The following LILRA4 variants were observed in gnomAD, a reference collection of about 807,000 sequenced individuals.
LILRA4 encodes the protein leukocyte immunoglobulin like receptor A4.
A neutral mutation model predicts 49.5 loss-of-function variants in LILRA4; 51 were observed. That is an observed-to-expected ratio of 1.03 (90% CI 0.82 to 1.30). The LOEUF (loss-of-function observed/expected upper bound fraction) is 1.30, where lower values mean the gene tolerates loss of function less well. Among genes scored for constraint, LILRA4 ranks in the 50% most tolerant of loss-of-function variants. The pLI is 0.00. For missense variants in LILRA4, 624 were observed against 625.6 expected (o/e 1.00, Z 0.03); for synonymous variants, 272 against 265.6 (o/e 1.02, Z -0.23).
At chr19:54,334,172 A>G (rs2122175484) in intron 6 of LILRA4, 1 of 555,212 alleles carries the variant, frequency 1.8e-6, no homozygotes, top group East Asian at 2.9e-5. Flanking sequence ...TGCCTGAGTC[A>G]CTTTGAAACA....
Position 54,337,577 on chromosome 19 carries a change from C to T in LILRA4, c.775G>A (p.Gly259Arg). 1 of 1,608,752 alleles carries T rather than the reference C, an allele frequency of 6.2e-7. No homozygotes were observed. The highest frequency in any genetic ancestry group is 8.5e-7 in the Non-Finnish European group (1 of 1,176,536). Residue 259 changes from glycine to arginine, a missense_variant, in exon 5 of 8, where the codon GGG becomes AGG. Gly to Arg is a moderately radical substitution (Grantham distance 125). Coordinates refer to ENST00000291759, the MANE Select transcript of LILRA4 (RefSeq NM_012276.5). Reference sequence around the variant, plus strand: ...GGGCGCTGGGGGAGGCCATCGGCCCCCTCCTTGTACAGAGTGTATCTGATG... The same window carrying T: ...GGGCGCTGGGGGAGGCCATCGGCCCTCTCCTTGTACAGAGTGTATCTGATG... ...GYIRYTLYKE[G>R]ADGLPQRPGR...
At position 54,336,965 on chromosome 19, in the gene LILRA4, C is replaced by G; in HGVS notation, c.1131G>C (p.Gln377His). ...TCACAGGACTCATGGGGAATTCAGC[C>G]TGGTACTTATGAGCTCCGTACATTG... ...LRSMYGAHKY[Q>H]AEFPMSPVTS... is the part of the protein sequence containing the mutation. Residue 377 changes from glutamine (Q) to histidine (H), a missense_variant, in exon 6 of 8, where the codon CAG (glutamine) becomes CAC (histidine). Physicochemically the swap from Gln to His is conservative, Grantham distance 24. Coordinates refer to ENST00000291759, the MANE Select transcript of LILRA4 (RefSeq NM_012276.5). The G allele has an allele frequency of 1.2e-6, 2 of 1,614,208 alleles. No individual in the cohort carries two copies. Among genetic ancestry groups the G allele is most frequent in the South Asian group, 2.2e-5 (2 of 91,090 alleles).
At position 54,337,958 on chromosome 19, in the gene LILRA4, G is replaced by T. The variant is rs1026797731; in HGVS notation, c.633C>A (p.Asp211Glu). 1 of 1,611,990 alleles carries T rather than the reference G, an allele frequency of 6.2e-7. No homozygotes were observed. Among genetic ancestry groups the T allele is most frequent in the African/African-American group, 1.3e-5 (1 of 74,864 alleles). Residue 211 changes from aspartate to glutamate, a missense_variant, in exon 4 of 8, where the codon GAC (aspartate) becomes GAA (glutamate). Physicochemically the swap from Asp to Glu is conservative, Grantham distance 45 (BLOSUM62 2). Coordinates refer to ENST00000291759, the MANE Select transcript of LILRA4 (RefSeq NM_012276.5). ...CACCTGACACCAGTAGCTGCAGGGG[G>T]TCACTGGGTTCCGACCACACGTATG... The part of the protein sequence containing the change: ...NTPYVWSEPS[D>E]PLQLLVSGVS...
chr19:54,336,348 G>A, intron 6 of LILRA4: 2 of 185,038 alleles, frequency 1.1e-5, no homozygotes, highest in Admixed American at 1.1e-4. Flanking sequence ...GGACTTAGAG[G>A]CTGGGGACAC....
chr19:54,336,545 TC>T, intron 6 of LILRA4: 1 of 536,428 alleles, frequency 1.9e-6, no homozygotes. Flanking sequence ...ATTTCCACAC[TC>T]CCATAGGCTG....
chr19:54,337,411 A>G lies in LILRA4; in HGVS notation c.941T>C (p.Ile314Thr), dbSNP rs1169366496. The change falls in exon 5 of 8, where the codon ATC becomes ACC. Residue 314 changes from isoleucine to threonine, a missense_variant. Physicochemically the swap from Ile to Thr is moderately conservative, Grantham distance 89 (BLOSUM62 -1). Coordinates refer to ENST00000291759, the MANE Select transcript of LILRA4 (RefSeq NM_012276.5). ...GCTGGGCTCCTCACCTGCGATCAGG[A>G]TATCCAGGGGGTCACTGGGGGCCGA... The part of the protein sequence containing the change: ...EWSAPSDPLD[I>T]LIAGQISDRP... The G allele has an allele frequency of 1.2e-6, 2 of 1,611,264 alleles. No individual in the cohort carries two copies. The highest frequency in any genetic ancestry group is 1.7e-6 in the Non-Finnish European group (2 of 1,179,780).
In LILRA4 at chr19:54,333,680, T is replaced by C. The variant is rs770028972; in HGVS notation, c.1392A>G (p.Leu464=). 6.2e-7 allele frequency: 1 copy of C among 1,614,042 alleles called. No homozygotes were observed. Among genetic ancestry groups the C allele is most frequent in the South Asian group, 1.1e-5 (1 of 91,080 alleles). The change falls in exon 8 of 8, where the codon TTA becomes TTG. Residue 464 remains leucine, a synonymous_variant. Transcript: ENST00000291759. ...TTCTCTGGCTGTGCTGAGCCTCAAA[T>C]AACAGAATCCCGAGGAACAGCAGGA... ...GLVLLFLGIL[L]FEAQHSQRSP...
intron 4 of LILRA4, 97 bp downstream of exon 4, chr19:54,337,839 C>T: frequency 6.8e-7 from 1 of 1,460,972 alleles, no homozygotes; most frequent in South Asian, 1.4e-5. Context: ...ATCTTCCCCT[C>T]ATCTTTTCTT....
At position 54,334,014 on chromosome 19, in the gene LILRA4, C is replaced by T. The variant is rs112205966; in HGVS notation, c.1256-49G>A. ...TTGGTGAGAAGCTGAAGAGCCTCTC[C>T]CCTGGGCAATGCATTCTTATATTCC... On this transcript the variant is annotated intron_variant, in intron 6 of 7. Coordinates refer to ENST00000291759, the MANE Select transcript of LILRA4 (RefSeq NM_012276.5). The T allele has an allele frequency of 6.7e-5, 99 of 1,469,650 alleles. 1 individual carries two copies. In the African/African-American group the frequency reaches 8.3e-4, roughly 12 times the overall value. The allele number at this position is 1,469,650 out of a possible 1,614,324, so 91.0% of individuals were successfully genotyped here.
chr19:54,338,940 C>A (rs369255909), intron 1 of LILRA4, 39 bp from the exon 2 acceptor site: 11 of 1,613,960 alleles, frequency 6.8e-6, no homozygotes, highest in South Asian at 6.6e-5. Flanking sequence ...GCCTCCGAAG[C>A]CTGAGCAGGT....
In LILRA4 at chr19:54,333,662, G is replaced by T. The variant is rs1278816897; in HGVS notation, c.1410C>A (p.Ser470Arg). 1 of 1,614,084 alleles carries T rather than the reference G, an allele frequency of 6.2e-7. No homozygotes were observed. Among genetic ancestry groups the T allele is most frequent in the Non-Finnish European group, 8.5e-7 (1 of 1,180,008 alleles). ...GGCTGCACCTTGGGGGGCTTCTCTG[G>T]CTGTGCTGAGCCTCAAATAACAGAA... ...LGILLFEAQH[S>R]QRSPPRCSQE... Residue 470 changes from serine to arginine, a missense_variant, in exon 8 of 8, where the codon AGC becomes AGA. Coordinates refer to ENST00000291759, the MANE Select transcript of LILRA4 (RefSeq NM_012276.5).
In LILRA4 at chr19:54,333,897, G is replaced by A. The variant is rs768139431; in HGVS notation, c.1306+18C>T. ...CCTCTGTGCCCAGCCCCATAACTGG[G>A]AGAATCTCCTCACTCACCAGTCTTG... On this transcript the variant is annotated intron_variant, in intron 7 of 7. Coordinates refer to ENST00000291759, the MANE Select transcript of LILRA4 (RefSeq NM_012276.5). The A allele has an allele frequency of 6.2e-7, 1 of 1,613,486 alleles. No homozygotes were observed.
rs768977686 is a variant in LILRA4, at chr19:54,333,697, A to G, written c.1375T>C (p.Phe459Leu). ...GCCTCAAATAACAGAATCCCGAGGA[A>G]CAGCAGGACCAAGCCAGCCACACCC... is the stretch of plus-strand genomic sequence containing the variant. Reference protein sequence around the residue: ...RMGVAGLVLLFLGILLFEAQH... With the variant: ...RMGVAGLVLLLLGILLFEAQH... The change falls in exon 8 of 8, where the codon TTC (phenylalanine) becomes CTC (leucine). Residue 459 changes from phenylalanine (F) to leucine (L), a missense_variant. Coordinates refer to ENST00000291759, the MANE Select transcript of LILRA4 (RefSeq NM_012276.5). The G allele has an allele frequency of 2.5e-6, 4 of 1,614,094 alleles. No homozygotes were observed. The South Asian group carries it at 3.3e-5, about 13-fold the overall frequency.
At position 54,339,086 on chromosome 19, in the gene LILRA4, A is replaced by G. The variant is rs765726825; in HGVS notation, c.8T>C (p.Leu3Pro). The part of the protein sequence containing the change: MT[L>P]ILTSLLFFGL... ...AAAGAAGAGCAGGCTTGTGAGAATGAGGGTCATGGCATCTCCTCCTCCTGG... is the reference window on the plus strand; with the variant it reads ...AAAGAAGAGCAGGCTTGTGAGAATGGGGGTCATGGCATCTCCTCCTCCTGG... The change falls in exon 1 of 8, where the codon CTC becomes CCC. Residue 3 changes from leucine (L) to proline (P), a missense_variant. Transcript: ENST00000291759. 3.1e-6 allele frequency: 5 copies of G among 1,614,050 alleles called. No homozygotes were observed. Among genetic ancestry groups the G allele is most frequent in the Non-Finnish European group, 4.2e-6 (5 of 1,180,028 alleles).
In LILRA4 at chr19:54,337,097, C is replaced by A; in HGVS notation, c.999G>T (p.Thr333=). The A allele has an allele frequency of 1.2e-6, 2 of 1,613,176 alleles. No homozygotes were observed. Among genetic ancestry groups the A allele is most frequent in the Non-Finnish European group, 1.7e-6 (2 of 1,179,262 alleles). The change falls in exon 6 of 8, where the codon ACG becomes ACT. Residue 333 remains threonine (T), a synonymous_variant. Coordinates refer to ENST00000291759, the MANE Select transcript of LILRA4 (RefSeq NM_012276.5). The stretch of plus-strand genomic sequence containing the variant: ...GGGTCACCTTCTCTCCTGAGGTCAC[C>A]GTGGGGCCCGGCTGCACTGAGAGGG... ...RPSLSVQPGP[T]VTSGEKVTLL...
rs181790919 is a variant in LILRA4 at position 54,333,300 on chromosome 19, T to C, written c.*272A>G. 109 of 518,204 alleles carry C rather than the reference T, an allele frequency of 2.1e-4. No homozygotes were observed. Among genetic ancestry groups the C allele is most frequent in the Non-Finnish European group, 2.0e-4 (60 of 296,206 alleles). 32.1% of individuals were successfully genotyped at this position (518,204 alleles called of 1,614,324 possible). ...TAGTTAGAAATAAAGAAAGGTGTAT[T>C]ACCTGAAAGTGGAGCAGAGCATGAG... On this transcript the variant is annotated 3_prime_UTR_variant, in exon 8 of 8. Coordinates refer to ENST00000291759, the MANE Select transcript of LILRA4 (RefSeq NM_012276.5).
In LILRA4 at chr19:54,338,916, C is replaced by T; in HGVS notation, c.35-15G>A. 1 of 1,614,162 alleles carries T rather than the reference C, an allele frequency of 6.2e-7. No homozygotes were observed. Among genetic ancestry groups the T allele is most frequent in the Non-Finnish European group, 8.5e-7 (1 of 1,180,012 alleles). Reference sequence around the variant, plus strand: ...CAGGCTCAGCCCTGGAAGAGAGTTCCCTGTGAGAGATTTGCCTCCGAAGCC... The same window carrying T: ...CAGGCTCAGCCCTGGAAGAGAGTTCTCTGTGAGAGATTTGCCTCCGAAGCC... On this transcript the variant is annotated splice_polypyrimidine_tract_variant and intron_variant, in intron 1 of 7. Coordinates refer to ENST00000291759, the MANE Select transcript of LILRA4 (RefSeq NM_012276.5).
chr19:54,336,748 TGA>T (rs1212519829), intron 6 of LILRA4, 91 bp downstream of exon 6: 1 of 1,517,928 alleles, frequency 6.6e-7, no homozygotes, highest in Non-Finnish European at 8.9e-7. Flanking sequence ...GGGCAGCAAG[TGA>T]GACAGACAGA....
intron 6 of LILRA4, chr19:54,336,053 C>T (rs534147255): frequency 3.9e-5 from 6 of 152,206 alleles, no homozygotes; most frequent in South Asian, 2.1e-4. Flanking sequence ...CCCCAAATCC[C>T]GCTCAGGTAG....
Sources: allele counts gnomAD v4.1 joint callset, GRCh38; gene constraint gnomAD v4.1.1; transcripts MANE v1.5; gene names NCBI Gene and HGNC (gene_info 2026-07-23, HGNC 2026-07-21).